ADCY3: variants seen among roughly 807,000 people sequenced by gnomAD.
ADCY3 encodes the protein adenylate cyclase type 3.
ADCY3 carries 70 observed loss-of-function variants against 119.4 expected under a neutral mutation model. The ratio of observed to expected loss-of-function variants is 0.59; its 90% CI spans 0.48 to 0.72. ADCY3 has a LOEUF of 0.72. Ranked by LOEUF, ADCY3 falls within the 30% of genes least tolerant of loss-of-function variation. The probability of loss-of-function intolerance (pLI) is 0.00; values close to 1 mark genes in which losing one functional copy is unlikely to be tolerated. For synonymous variants in ADCY3, 672 were observed against 621.4 expected (o/e 1.08, Z -1.21); for missense variants, 1,238 against 1,541.6 (o/e 0.80, Z 3.30).
intron 2 of ADCY3, among the ~76,000 whole-genome samples, chr2:24,913,375 G>T (rs545487515): frequency 1.5e-3 from 221 of 152,342 alleles, no homozygotes; most frequent in Non-Finnish European, 2.3e-3. Context: ...ATACCTTAGG[G>T]ACTGCCATCT....
At chr2:24,894,178 T>C (rs913971351) in intron 2 of ADCY3, among the ~76,000 whole-genome samples, 2 of 152,200 alleles carry the variant, frequency 1.3e-5, no homozygotes, top group Non-Finnish European at 2.9e-5. Context: ...AAATATTCTA[T>C]TACTTTGCAT....
chr2:24,856,662 C>T (rs917767533), intron 3 of ADCY3, among the ~76,000 whole-genome samples: 9 of 152,184 alleles, frequency 5.9e-5, no homozygotes, highest in Admixed American at 2.6e-4. Flanking sequence ...CCAATACTGC[C>T]GCCATTTAGA....
intron 2 of ADCY3, among the ~76,000 whole-genome samples, chr2:24,874,130 G>A (rs1675357918): frequency 6.6e-6 from 1 of 152,178 alleles, no homozygotes; most frequent in African/African-American, 2.4e-5. Flanking sequence ...CACTTGCCCT[G>A]AGGATCAACC....
chr2:24,908,183 A>G (rs555549159), intron 2 of ADCY3, among the ~76,000 whole-genome samples: 1 of 151,654 alleles, frequency 6.6e-6, no homozygotes, highest in African/African-American at 2.4e-5. Flanking sequence ...TTAGCTGGGC[A>G]TGGTGGCGCA....
chr2:24,872,730 A>C lies in ADCY3; in HGVS notation c.676-11T>G. The C allele has an allele frequency of 6.2e-7, 1 of 1,611,668 alleles. No individual in the cohort carries two copies. The highest frequency in any genetic ancestry group is 8.5e-7 in the Non-Finnish European group (1 of 1,178,182). On this transcript the variant is annotated splice_polypyrimidine_tract_variant and intron_variant, in intron 2 of 21. Transcript: ENST00000679454. This position sits in a 1 kb window ranked among gnomAD's most constrained non-coding sequence, Gnocchi z 4.4. Reference sequence around the variant, plus strand: ...GACGTTGGCCAGGATCTGCACCCCAAGGAAGAAGAGAGAAAAGGCCAGGGG... The same window carrying C: ...GACGTTGGCCAGGATCTGCACCCCACGGAAGAAGAGAGAAAAGGCCAGGGG...
chr2:24,906,841 A>G (rs1488711171), intron 2 of ADCY3, among the ~76,000 whole-genome samples: 2 of 152,202 alleles, frequency 1.3e-5, no homozygotes, highest in Non-Finnish European at 2.9e-5. Flanking sequence ...TATAAGAATC[A>G]GGCTCAAGAC....
In ADCY3 at chr2:24,918,255, C is replaced by A. The variant is rs2149094929; in HGVS notation, c.675+58G>T. On this transcript the variant is annotated intron_variant, in intron 2 of 21. Transcript: ENST00000679454. This position sits in a 1 kb window ranked among gnomAD's most constrained non-coding sequence, Gnocchi z 5.4. ...AAGCAAACAGCAACTCCAACAGGTC[C>A]CAAGTTGGTGAGAGCTGCAGGAGAG... is the stretch of plus-strand genomic sequence containing the variant. 6.7e-7 allele frequency: 1 copy of A among 1,503,674 alleles called. No homozygotes were observed. Among genetic ancestry groups the A allele is most frequent in the East Asian group, 2.3e-5 (1 of 43,822 alleles). 93.1% of individuals were successfully genotyped at this position (1,503,674 alleles called of 1,614,324 possible). A position where few individuals can be genotyped will look rare whatever the true frequency, so the allele number is the denominator to read the frequency against.
rs1358380351 is a variant in ADCY3, at chr2:24,918,442, C to T, written c.546G>A (p.Thr182=). Residue 182 remains threonine (T), a synonymous_variant, in exon 2 of 22, where the codon ACG becomes ACA. Transcript: ENST00000679454. This position sits in a 1 kb window ranked among gnomAD's most constrained non-coding sequence, Gnocchi z 5.4. ...CGATGGGGCTGAGGCTGAGGGGCAG[C>T]GTGATGAAGAAGGAGAAGACAAAGA... is the stretch of plus-strand genomic sequence containing the variant. ...QVFFVFSFFI[T]LPLSLSPIVI... is the part of the protein sequence containing the mutation. The T allele has an allele frequency of 1.2e-6, 2 of 1,613,740 alleles. No homozygotes were observed. Among genetic ancestry groups the T allele is most frequent in the African/African-American group, 1.3e-5 (1 of 74,856 alleles).
chr2:24,860,366 C>G (rs1017494087), intron 3 of ADCY3, among the ~76,000 whole-genome samples: 1 of 152,248 alleles, frequency 6.6e-6, no homozygotes, highest in African/African-American at 2.4e-5. Context: ...GAGGCTGGAC[C>G]AAGGTCAGCA....
At chr2:24,827,795 C>T in intron 14 of ADCY3, 107 bp downstream of exon 14, 1 of 1,532,468 alleles carries the variant, frequency 6.5e-7, no homozygotes, top group Non-Finnish European at 8.9e-7. Context: ...CTTTGAGGAC[C>T]CCTAGTGGCA....
Position 24,918,281 on chromosome 2 carries a change from G to A in ADCY3, c.675+32C>T. On this transcript the variant is annotated intron_variant, in intron 2 of 21. Coordinates refer to ENST00000679454, the MANE Select transcript of ADCY3 (RefSeq NM_004036.5). The surrounding 1 kb of genome is among the most constrained non-coding windows in gnomAD (Gnocchi z 5.4). Reference sequence around the variant, plus strand: ...CAAGTTGGTGAGAGCTGCAGGAGAGGACGCTGTGGGGGGACAGTGGGCAGG... The same window carrying A: ...CAAGTTGGTGAGAGCTGCAGGAGAGAACGCTGTGGGGGGACAGTGGGCAGG... 1 of 1,521,816 alleles carries A rather than the reference G, an allele frequency of 6.6e-7. No individual in the cohort carries two copies. The highest frequency in any genetic ancestry group is 2.3e-5 in the East Asian group (1 of 44,072). 94.3% of individuals were successfully genotyped at this position (1,521,816 alleles called of 1,614,324 possible).
chr2:24,819,205 G>GTTCTT lies in ADCY3; in HGVS notation c.*722_*726dup, dbSNP rs1205483364. The GTTCTT allele has an allele frequency of 5.9e-5, 9 of 152,592 alleles. No individual in the cohort carries two copies. The highest frequency in any genetic ancestry group is 4.6e-4 in the Admixed American group (7 of 15,278). 9.5% of individuals were successfully genotyped at this position (152,592 alleles called of 1,614,324 possible). A position where few individuals can be genotyped will look rare whatever the true frequency, so the allele number is the denominator to read the frequency against. ...ATAAAGCTTTTAATAAAACAGTCTT[G>GTTCTT]TTCTTTATCAATACCTGTAAATTCT... On this transcript the variant is annotated 3_prime_UTR_variant, in exon 22 of 22. Coordinates refer to ENST00000679454, the MANE Select transcript of ADCY3 (RefSeq NM_004036.5).
chr2:24,820,130 G>C lies in ADCY3; in HGVS notation c.3253-16C>G. On this transcript the variant is annotated splice_polypyrimidine_tract_variant and intron_variant, in intron 21 of 21. Transcript: ENST00000679454. ...CTTCTACCACCTGGAGAGGGAGGGG[G>C]AGCAAGAACGTGGCGTTACGGGGGG... The C allele has an allele frequency of 6.7e-7, 1 of 1,488,292 alleles. No homozygotes were observed. The highest frequency in any genetic ancestry group is 2.4e-5 in the East Asian group (1 of 41,076). The allele number at this position is 1,488,292 out of a possible 1,614,324, so 92.2% of individuals were successfully genotyped here. A position where few individuals can be genotyped will look rare whatever the true frequency, so the allele number is the denominator to read the frequency against.
intron 2 of ADCY3, among the ~76,000 whole-genome samples, chr2:24,873,257 G>C (rs146589468): frequency 6.6e-6 from 1 of 152,124 alleles, no homozygotes; most frequent in Admixed American, 6.5e-5. Flanking sequence ...AGGCTGATTC[G>C]GCAGTCACAA....
At chr2:24,883,140 G>A (rs1231793026) in intron 2 of ADCY3, among the ~76,000 whole-genome samples, 1 of 152,008 alleles carries the variant, frequency 6.6e-6, no homozygotes, top group African/African-American at 2.4e-5. Flanking sequence ...ACGAGGTCAG[G>A]AGTTCAAGAC....
intron 3 of ADCY3, among the ~76,000 whole-genome samples, chr2:24,846,091 G>A (rs745494688): frequency 5.9e-5 from 9 of 152,248 alleles, no homozygotes; most frequent in South Asian, 2.1e-4. Context: ...CTGCAAGGGC[G>A]GGGCCCTCAT....
At chr2:24,839,668 G>A (rs1308974996) in intron 7 of ADCY3, among the ~76,000 whole-genome samples, 1 of 152,206 alleles carries the variant, frequency 6.6e-6, no homozygotes, top group Non-Finnish European at 1.5e-5. Context: ...TCCAATATCA[G>A]GCCCAAAGAG....
chr2:24,831,903 G>GTGGA (rs1669577002), intron 11 of ADCY3, among the ~76,000 whole-genome samples, 154 bp from the exon 12 acceptor site: 1 of 112,320 alleles, frequency 8.9e-6, no homozygotes, highest in African/African-American at 3.3e-5. Flanking sequence ...GCAGGGGACA[G>GTGGA]CGGACAGGGG....
At position 24,841,123 on chromosome 2, in the gene ADCY3, G is replaced by T; in HGVS notation, c.1196+136C>A. The T allele has an allele frequency of 9.5e-7, 1 of 1,049,748 alleles. No individual in the cohort carries two copies. Among genetic ancestry groups the T allele is most frequent in the Non-Finnish European group, 1.3e-6 (1 of 752,130 alleles). The allele number at this position is 1,049,748 out of a possible 1,614,324, so 65.0% of individuals were successfully genotyped here. ...GGGAGCCTGCGCCACCCATCAACCA[G>T]TGCTGTGTCCCAGTCTCTGCTTCCA... On this transcript the variant is annotated intron_variant, in intron 6 of 21. Coordinates refer to ENST00000679454, the MANE Select transcript of ADCY3 (RefSeq NM_004036.5). The surrounding 1 kb of genome is among the most constrained non-coding windows in gnomAD (Gnocchi z 5.8).
Sources: gnomAD v4.1 joint callset for allele counts (sites outside exome capture counted in the v4.1 genomes callset) on GRCh38, gnomAD v4.1.1 for gene constraint, Gnocchi (gnomAD v3.1) non-coding constraint, MANE v1.5 for transcripts, NCBI Gene and HGNC (gene_info 2026-07-23, HGNC 2026-07-21) for gene names.